RALYL: variants seen among roughly 807,000 people sequenced by gnomAD.
The protein encoded by RALYL is RNA-binding Raly-like protein.
In RALYL, 29 loss-of-function variants were observed where a neutral mutation model predicts 35.1. The ratio of observed to expected loss-of-function variants is 0.83; its 90% CI spans 0.61 to 1.13. The LOEUF (loss-of-function observed/expected upper bound fraction) is 1.13, where lower values mean the gene tolerates loss of function less well. RALYL is among the 50% of genes most tolerant of loss of function. The pLI is 0.00. For synonymous variants in RALYL, 120 were observed against 127.6 expected (o/e 0.94, Z 0.40); for missense variants, 359 against 360.4 (o/e 1.00, Z 0.03).
Position 84,682,774 on chromosome 8 carries a change from A to C in RALYL, c.257-91805A>C, listed in dbSNP as rs564640502. On this transcript the variant is annotated intron_variant, in intron 2 of 8. Transcript: ENST00000521268. Reference sequence around the variant, plus strand: ...TGCTAGCGGTCTATCAATTTTGTTGATCTTTTCAAAAAACCAGCTCCTGGA... The same window carrying C: ...TGCTAGCGGTCTATCAATTTTGTTGCTCTTTTCAAAAAACCAGCTCCTGGA... Among the ~76,000 whole-genome samples the C allele has an allele frequency of 8.0e-5, 12 of 150,082 alleles. No homozygotes were observed. The East Asian group carries it at 9.7e-4, about 12-fold the overall frequency.
At chr8:84,873,207 T>A in intron 6 of RALYL, 77 bp from the exon 7 acceptor site, 1 of 678,592 alleles carries the variant, frequency 1.5e-6, no homozygotes, top group Non-Finnish European at 2.6e-6. Flanking sequence ...AAATACGGGG[T>A]CCCTGTGAGT....
intron 2 of RALYL, among the ~76,000 whole-genome samples, chr8:84,592,648 G>T (rs1234762374): frequency 6.6e-6 from 1 of 152,036 alleles, no homozygotes; most frequent in African/African-American, 2.4e-5. Context: ...AATTAAGTAG[G>T]CTATTATAAT....
chr8:84,741,484 C>T (rs1303792628), intron 2 of RALYL, among the ~76,000 whole-genome samples: 1 of 152,064 alleles, frequency 6.6e-6, no homozygotes, highest in Admixed American at 6.6e-5. Flanking sequence ...CTGCTCTCCG[C>T]TTCCAAGATG....
Position 84,911,764 on chromosome 8 carries a change from C to G in RALYL, c.859-9130C>G, listed in dbSNP as rs182469288. ...TATAAATCAAGGTTCCCATGTACCC[C>G]CTCCTTGTGTTCAATATTTTTCTAG... is the stretch of plus-strand genomic sequence containing the variant. On this transcript the variant is annotated intron_variant, in intron 8 of 8. Coordinates refer to ENST00000521268, the MANE Select transcript of RALYL (RefSeq NM_173848.7). Among the ~76,000 whole-genome samples the G allele has an allele frequency of 2.6e-5, 4 of 152,228 alleles. No individual in the cohort carries two copies. The East Asian group carries it at 5.8e-4, about 22-fold the overall frequency.
chr8:84,468,792 A>C (rs1182543995), intron 1 of RALYL, among the ~76,000 whole-genome samples: 1 of 152,068 alleles, frequency 6.6e-6, no homozygotes, highest in Non-Finnish European at 1.5e-5. Context: ...AATCAGACGT[A>C]GATTTGGTCT....
intron 2 of RALYL, among the ~76,000 whole-genome samples, chr8:84,773,457 T>A (rs937450943): frequency 2.6e-5 from 4 of 152,212 alleles, no homozygotes; most frequent in South Asian, 2.1e-4. Context: ...CATTTGGAAA[T>A]TTTAACTTTG....
intron 2 of RALYL, among the ~76,000 whole-genome samples, chr8:84,722,422 G>A (rs907029219): frequency 2.6e-5 from 4 of 151,626 alleles, no homozygotes; most frequent in African/African-American, 9.7e-5. Context: ...CAAGGTCATA[G>A]GGTTGAGCTG....
intron 1 of RALYL, among the ~76,000 whole-genome samples, chr8:84,211,876 T>C (rs1283074174): frequency 6.6e-6 from 1 of 152,106 alleles, no homozygotes; most frequent in Non-Finnish European, 1.5e-5. Context: ...TAATAAAACA[T>C]TATCAAAAAT....
At chr8:84,416,568 CT>C (rs202045320) in intron 1 of RALYL, among the ~76,000 whole-genome samples, 18 of 151,070 alleles carry the variant, frequency 1.2e-4, no homozygotes, top group Middle Eastern at 3.4e-3. Flanking sequence ...TATTTGAAAC[CT>C]TTTTTTTTCA....
intron 2 of RALYL, among the ~76,000 whole-genome samples, chr8:84,571,030 C>T (rs183147018): frequency 1.3e-5 from 2 of 151,296 alleles, no homozygotes; most frequent in African/African-American, 2.4e-5. Flanking sequence ...GGGATATTGG[C>T]CTGTAGTTCT....
At chr8:84,446,699 G>T (rs2048893394) in intron 1 of RALYL, among the ~76,000 whole-genome samples, 1 of 152,048 alleles carries the variant, frequency 6.6e-6, no homozygotes, top group South Asian at 2.1e-4. Context: ...TAGGGACTTT[G>T]GTCGTGGCAG....
At chr8:84,601,274 C>T (rs1287976917) in intron 2 of RALYL, among the ~76,000 whole-genome samples, 1 of 152,032 alleles carries the variant, frequency 6.6e-6, no homozygotes, top group Non-Finnish European at 1.5e-5. Flanking sequence ...CAAGTTATGG[C>T]CCCAGATATG....
At chr8:84,535,778 C>T (rs890429235) in intron 2 of RALYL, among the ~76,000 whole-genome samples, 3 of 151,668 alleles carry the variant, frequency 2.0e-5, no homozygotes, top group Non-Finnish European at 4.4e-5. Context: ...CGGCCGCATC[C>T]CTGACTTCTA....
intron 1 of RALYL, among the ~76,000 whole-genome samples, chr8:84,321,251 T>C (rs961719669): frequency 5.9e-5 from 9 of 152,116 alleles, no homozygotes; most frequent in Non-Finnish European, 8.8e-5. Flanking sequence ...TTGGAAGTCA[T>C]AATTCCTGAC....
intron 1 of RALYL, among the ~76,000 whole-genome samples, chr8:84,289,397 T>G (rs1005507950): frequency 6.6e-6 from 1 of 150,500 alleles, no homozygotes; most frequent in Admixed American, 6.6e-5. Context: ...AGGTACGGAG[T>G]TTTTCCAAGC....
intron 2 of RALYL, among the ~76,000 whole-genome samples, chr8:84,584,060 A>G (rs867200584): frequency 7.2e-5 from 11 of 152,264 alleles, no homozygotes; most frequent in South Asian, 6.2e-4. Context: ...CATTATAGAG[A>G]ATGGAGTATC....
At position 84,203,431 on chromosome 8, in the gene RALYL, G is replaced by T. The variant is rs775320833; in HGVS notation, c.-24+19007G>T. The stretch of plus-strand genomic sequence containing the variant: ...ATTTAATTTACCCATGTGTTAAGTG[G>T]GGTGTTCTCCCATCATGTTGTTCAT... On this transcript the variant is annotated intron_variant, in intron 1 of 8. Coordinates refer to ENST00000521268, the MANE Select transcript of RALYL (RefSeq NM_173848.7). Among the ~76,000 whole-genome samples, 55 of 151,972 alleles carry T rather than the reference G, an allele frequency of 3.6e-4. 1 individual carries two copies. The highest frequency in any genetic ancestry group is 1.0e-4 in the Non-Finnish European group (7 of 67,980).
intron 2 of RALYL, among the ~76,000 whole-genome samples, chr8:84,721,212 AAAAAGAAAG>A (rs201136399): frequency 0.012 from 1,899 of 152,096 alleles, 43 homozygotes; most frequent in African/African-American, 0.043. Flanking sequence ...TATTAAAAAA[AAAAAGAAAG>A]AAAGAAAACA....
At chr8:84,590,521 T>C in intron 2 of RALYL, among the ~76,000 whole-genome samples, 1 of 152,196 alleles carries the variant, frequency 6.6e-6, no homozygotes, top group South Asian at 2.1e-4. Flanking sequence ...AATGAGTGAC[T>C]GAATGAGCTC....
Sources: allele counts gnomAD v4.1 joint callset (sites outside exome capture counted in the v4.1 genomes callset), GRCh38; gene constraint gnomAD v4.1.1; transcripts MANE v1.5; gene names NCBI Gene and HGNC (gene_info 2026-07-23, HGNC 2026-07-21).